NFIC: variants seen among roughly 807,000 people sequenced by gnomAD.
The protein encoded by NFIC is nuclear factor 1 C-type.
NFIC carries 12 observed loss-of-function variants against 54.4 expected under a neutral mutation model. That is an observed-to-expected ratio of 0.22 (90% CI 0.14 to 0.36). The LOEUF is 0.36. Ranked by LOEUF, NFIC falls within the 10% of genes least tolerant of loss-of-function variation. NFIC has a pLI of 1.00. For missense variants in NFIC, 575 were observed against 718.2 expected (o/e 0.80, Z 2.28); for synonymous variants, 322 against 319.2 (o/e 1.01, Z -0.09).
intron 5 of NFIC, among the ~76,000 whole-genome samples, 155 bp downstream of exon 5, chr19:3,434,555 AGCCAGCCCCACGT>A (rs2082168955): frequency 6.6e-6 from 1 of 151,956 alleles, no homozygotes; most frequent in Non-Finnish European, 1.5e-5. Flanking sequence ...TTCAAAACCC[AGCCAGCCCCACGT>A]GCCTCTTCCC....
chr19:3,414,363 G>C (rs190048735), intron 2 of NFIC, among the ~76,000 whole-genome samples: 1 of 152,054 alleles, frequency 6.6e-6, no homozygotes, highest in Non-Finnish European at 1.5e-5. Context: ...TTGGGAGTCC[G>C]AGGCGGACGG....
At chr19:3,384,989 G>C (rs1230865086) in intron 2 of NFIC, among the ~76,000 whole-genome samples, 1 of 150,610 alleles carries the variant, frequency 6.6e-6, no homozygotes, top group Non-Finnish European at 1.5e-5. Context: ...TTCTGCTGCA[G>C]TCAGCACAAC....
rs111405910 is a variant in NFIC at position 3,425,657 on chromosome 19, A to T, written c.634+480A>T. ...GTATTTTTAGTAGAGACGGGGTTTC[A>T]CCATGTTGGCCAGGTCGGTCTTGAA... On this transcript the variant is annotated intron_variant, in intron 3 of 10. Coordinates refer to ENST00000443272, the MANE Select transcript of NFIC (RefSeq NM_001245002.2). Among the ~76,000 whole-genome samples the T allele has an allele frequency of 4.4e-3, 670 of 151,992 alleles. 7 individuals are homozygous for T. Among genetic ancestry groups the T allele is most frequent in the South Asian group, 0.018 (86 of 4,814 alleles).
chr19:3,364,932 C>T (rs2080862269), upstream of NFIC, among the ~76,000 whole-genome samples: 3 of 152,198 alleles, frequency 2.0e-5, no homozygotes, highest in South Asian at 6.2e-4. Flanking sequence ...ACACTTCTCA[C>T]CATTTAATTC....
intron 2 of NFIC, among the ~76,000 whole-genome samples, chr19:3,408,952 G>A (rs767217739): frequency 3.9e-4 from 59 of 152,002 alleles, no homozygotes; most frequent in Non-Finnish European, 6.8e-4. Context: ...GGCTGGTCTC[G>A]AACTCCTTGC....
intron 2 of NFIC, among the ~76,000 whole-genome samples, chr19:3,416,583 G>A (rs565899768): frequency 6.6e-6 from 1 of 151,496 alleles, no homozygotes; most frequent in South Asian, 2.1e-4. Context: ...ATGCAATGGC[G>A]TGATCTCGGC....
rs555515405 is a variant in NFIC at position 3,459,506 on chromosome 19, C to T, written c.1509+2871C>T. On this transcript the variant is annotated intron_variant, in intron 10 of 10. Transcript: ENST00000443272. This position sits in a 1 kb window ranked among gnomAD's most constrained non-coding sequence, Gnocchi z 4.2. Reference sequence around the variant, plus strand: ...AGCCACATGCCGGGAGCCACACAGGCGGCTGCAGCCAGGCCAGCAGGATAC... The same window carrying T: ...AGCCACATGCCGGGAGCCACACAGGTGGCTGCAGCCAGGCCAGCAGGATAC... Among the ~76,000 whole-genome samples the T allele has an allele frequency of 7.9e-5, 12 of 152,282 alleles. No individual in the cohort carries two copies. The highest frequency in any genetic ancestry group is 7.7e-4 in the East Asian group (4 of 5,164).
intron 2 of NFIC, among the ~76,000 whole-genome samples, chr19:3,393,685 C>T (rs889950229): frequency 4.6e-5 from 7 of 151,344 alleles, no homozygotes; most frequent in African/African-American, 9.7e-5. Flanking sequence ...CGTGGTGGCG[C>T]GAACCTGTAA....
At chr19:3,419,393 G>T (rs2081917745) in intron 2 of NFIC, among the ~76,000 whole-genome samples, 1 of 151,996 alleles carries the variant, frequency 6.6e-6, no homozygotes, top group African/African-American at 2.4e-5. Flanking sequence ...GGGATTGCTG[G>T]AGCCCAGGAG....
intron 1 of NFIC, among the ~76,000 whole-genome samples, chr19:3,371,879 CTCTCCTTCCTTCCTTCCTTCCT>C (rs2081016560): frequency 6.8e-6 from 1 of 147,574 alleles, no homozygotes; most frequent in African/African-American, 2.5e-5. Flanking sequence ...TTTTCTTTCT[CTCTCCTTCCTTCCTTCCTTCCT>C]TCCTTCCTTC....
intron 2 of NFIC, among the ~76,000 whole-genome samples, chr19:3,404,269 C>T (rs571945575): frequency 6.6e-6 from 1 of 151,912 alleles, no homozygotes; most frequent in East Asian, 2.0e-4. Context: ...TATTTTCAGT[C>T]CACTCCCCCC....
chr19:3,444,537 C>T (rs892061446), intron 6 of NFIC, among the ~76,000 whole-genome samples: 4 of 152,180 alleles, frequency 2.6e-5, no homozygotes, highest in Non-Finnish European at 5.9e-5. Flanking sequence ...GTCCGTAGAG[C>T]CTGCCGGGAG....
rs1319313365 is a variant in NFIC at position 3,387,636 on chromosome 19, G to A, written c.562+5393G>A. Among the ~76,000 whole-genome samples the A allele has an allele frequency of 3.3e-5, 5 of 152,110 alleles. No individual in the cohort carries two copies. The South Asian group carries it at 1.0e-3, about 32-fold the overall frequency. ...AGGAGGCGTCTTTGAGGTGAGGCTT[G>A]AAGGGGGTGAGGGAGTCTGGAGAGG... On this transcript the variant is annotated intron_variant, in intron 2 of 10. Coordinates refer to ENST00000443272, the MANE Select transcript of NFIC (RefSeq NM_001245002.2).
At chr19:3,448,645 TCTGA>T (rs1351659800) in intron 6 of NFIC, among the ~76,000 whole-genome samples, 2 of 152,144 alleles carry the variant, frequency 1.3e-5, no homozygotes, top group African/African-American at 4.8e-5. Flanking sequence ...GGACTTCGGA[TCTGA>T]CTGTCTCTGC....
chr19:3,367,587 TC>T (rs942312656), intron 1 of NFIC, among the ~76,000 whole-genome samples: 6 of 151,626 alleles, frequency 4.0e-5, no homozygotes, highest in Non-Finnish European at 8.8e-5. Context: ...AGGGGGCGGC[TC>T]CCCCCGGGGA....
At chr19:3,443,430 A>AG (rs1555680890) in intron 6 of NFIC, among the ~76,000 whole-genome samples, 1 of 151,884 alleles carries the variant, frequency 6.6e-6, no homozygotes, top group Non-Finnish European at 1.5e-5. Flanking sequence ...CTCAAAAAAA[A>AG]AAAAAGAAAA....
At chr19:3,441,355 G>A (rs1384795035) in intron 6 of NFIC, among the ~76,000 whole-genome samples, 2 of 152,266 alleles carry the variant, frequency 1.3e-5, no homozygotes, top group Admixed American at 6.5e-5. Context: ...TCCTAAGCCG[G>A]GTTATTTCCC....
rs2080976866 is a variant in NFIC, at chr19:3,370,301, G to A, written c.30+3635G>A. 2.6e-5 allele frequency among the ~76,000 whole-genome samples: 4 copies of A among 152,014 alleles called. No individual in the cohort carries two copies. ...TGTGCCCCCCACCCGGGGCCTGGTG[G>A]CCTCTGATTCACTCTCTACAAGGCT... On this transcript the variant is annotated intron_variant, in intron 1 of 10. Coordinates refer to ENST00000443272, the MANE Select transcript of NFIC (RefSeq NM_001245002.2). This position sits in a 1 kb window ranked among gnomAD's most constrained non-coding sequence, Gnocchi z 5.2.
Position 3,459,062 on chromosome 19 carries a change from G to A in NFIC, c.1509+2427G>A, listed in dbSNP as rs554056615. ...TGAGATCCCGCTCTCCCCTCTCCCAGCTCCCGCTCAAAGGGCCCTGAGCTT... is the reference window on the plus strand; with the variant it reads ...TGAGATCCCGCTCTCCCCTCTCCCAACTCCCGCTCAAAGGGCCCTGAGCTT... On this transcript the variant is annotated intron_variant, in intron 10 of 10. Transcript: ENST00000443272. This position sits in a 1 kb window ranked among gnomAD's most constrained non-coding sequence, Gnocchi z 4.2. Among the ~76,000 whole-genome samples, 30 of 152,174 alleles carry A rather than the reference G, an allele frequency of 2.0e-4. No individual in the cohort carries two copies. Among genetic ancestry groups the A allele is most frequent in the African/African-American group, 7.2e-4 (30 of 41,496 alleles).
Sources: allele counts gnomAD v4.1 joint callset (sites outside exome capture counted in the v4.1 genomes callset), GRCh38; gene constraint gnomAD v4.1.1; non-coding constraint Gnocchi (gnomAD v3.1); transcripts MANE v1.5; gene names NCBI Gene and HGNC (gene_info 2026-07-23, HGNC 2026-07-21).